RGS7: variants seen among roughly 807,000 people sequenced by gnomAD.
RGS7 encodes the protein regulator of G protein signaling 7.
Under a neutral mutation model 81.1 loss-of-function variants are expected in RGS7, and 27 were observed. The ratio of observed to expected loss-of-function variants is 0.33; its 90% CI spans 0.25 to 0.46. The LOEUF is 0.46. RGS7 is among the 20% of genes least tolerant of loss of function. The pLI, the probability that RGS7 is intolerant of heterozygous loss-of-function variation, is 1.00. For synonymous variants in RGS7, 208 were observed against 207.7 expected, an observed-to-expected ratio of 1.00 and a Z score of -0.01; for missense variants, 396 against 607.4, an observed-to-expected ratio of 0.65 and a Z score of 3.66.
Position 240,877,313 on chromosome 1 carries a change from AATAT to A in RGS7, c.386-7198_386-7195del, listed in dbSNP as rs1244806966. Among the ~76,000 whole-genome samples the A allele has an allele frequency of 1.5e-4, 23 of 149,484 alleles. No individual in the cohort carries two copies. The South Asian group carries it at 4.6e-3, about 30-fold the overall frequency. On this transcript the variant is annotated intron_variant, in intron 6 of 18. Coordinates refer to ENST00000440928, the MANE Select transcript of RGS7 (RefSeq NM_001364886.1). ...TTTATATATGTAAAGTATTTATATA[AATAT>A]ATAAAGTAAAATATATACAGAAAAA...
chr1:241,286,655 A>T lies in RGS7; in HGVS notation c.78+69044T>A, dbSNP rs564472825. 2.0e-5 allele frequency among the ~76,000 whole-genome samples: 3 copies of T among 152,174 alleles called. No homozygotes were observed. In the East Asian group the frequency reaches 5.8e-4, roughly 29 times the overall value. ...TCCTTCTCCTTTCCATTTGGCCCAA[A>T]CTAGGGTTTTTCTCTCAGGTCTTTT... On this transcript the variant is annotated intron_variant, in intron 2 of 18. Transcript: ENST00000440928.
chr1:240,868,867 C>G lies in RGS7; in HGVS notation c.451-15G>C. The G allele has an allele frequency of 6.2e-7, 1 of 1,613,016 alleles. No homozygotes were observed. The highest frequency in any genetic ancestry group is 8.5e-7 in the Non-Finnish European group (1 of 1,179,170). ...GCCAGGCTCTCCTGAAAAACATACC[C>G]CAGGTGAAGACATTTGGTGTTCATT... On this transcript the variant is annotated splice_polypyrimidine_tract_variant and intron_variant, in intron 7 of 18. Coordinates refer to ENST00000440928, the MANE Select transcript of RGS7 (RefSeq NM_001364886.1). This position sits in a 1 kb window ranked among gnomAD's most constrained non-coding sequence, Gnocchi z 5.1.
At chr1:240,887,510 G>T (rs1295644597) in intron 6 of RGS7, among the ~76,000 whole-genome samples, 6 of 152,160 alleles carry the variant, frequency 3.9e-5, no homozygotes, top group Non-Finnish European at 7.3e-5. Context: ...TTACAGGCGT[G>T]AGAGTATATA....
At chr1:241,046,101 T>C (rs899693303) in intron 3 of RGS7, among the ~76,000 whole-genome samples, 2 of 152,174 alleles carry the variant, frequency 1.3e-5, no homozygotes, top group Non-Finnish European at 2.9e-5. Context: ...TTGTTTTTCA[T>C]ATTTCCTACC....
intron 2 of RGS7, among the ~76,000 whole-genome samples, chr1:241,318,445 A>G (rs1056172999): frequency 6.6e-6 from 1 of 151,482 alleles, no homozygotes; most frequent in African/African-American, 2.4e-5. Context: ...ATCCTGAGAA[A>G]TTTCTTTCTT....
intron 2 of RGS7, among the ~76,000 whole-genome samples, chr1:241,266,567 C>A (rs1302028948): frequency 6.6e-6 from 1 of 152,204 alleles, no homozygotes. Flanking sequence ...CTATAGAACA[C>A]ATTCACTGCT....
At chr1:240,812,484 G>A (rs1035942116) in intron 13 of RGS7, among the ~76,000 whole-genome samples, 1 of 147,318 alleles carries the variant, frequency 6.8e-6, no homozygotes, top group African/African-American at 2.5e-5. Flanking sequence ...ACCCAGGTTG[G>A]AGTGCAATGG....
chr1:241,307,782 TTGAATGAATGAC>T lies in RGS7; in HGVS notation c.78+47905_78+47916del, dbSNP rs376982266. 8.4e-3 allele frequency among the ~76,000 whole-genome samples: 1,282 copies of T among 152,214 alleles called. 17 individuals carry two copies. The highest frequency in any genetic ancestry group is 0.03 in the African/African-American group (1,235 of 41,508). On this transcript the variant is annotated intron_variant, in intron 2 of 18. Transcript: ENST00000440928. ...CACAACAGATGCTAAGTCAATACTT[TTGAATGAATGAC>T]TGAATGAATGAATGAATGAATGAGA...
chr1:241,069,070 C>T (rs975240777), intron 3 of RGS7, among the ~76,000 whole-genome samples: 1 of 152,172 alleles, frequency 6.6e-6, no homozygotes, highest in African/African-American at 2.4e-5. Flanking sequence ...TGCCTCCATG[C>T]TTCCTCTACA....
intron 3 of RGS7, among the ~76,000 whole-genome samples, chr1:241,023,753 T>C (rs764328530): frequency 2.4e-4 from 36 of 152,322 alleles, no homozygotes; most frequent in Admixed American, 9.8e-4. Flanking sequence ...GATTGATTGA[T>C]TGATTGATCA....
At chr1:241,295,613 G>T (rs1487598041) in intron 2 of RGS7, among the ~76,000 whole-genome samples, 1 of 152,208 alleles carries the variant, frequency 6.6e-6, no homozygotes, top group Non-Finnish European at 1.5e-5. Flanking sequence ...TGGGATGTGT[G>T]AGAGCAAAGA....
intron 3 of RGS7, among the ~76,000 whole-genome samples, chr1:241,040,427 G>A (rs996637067): frequency 1.3e-5 from 2 of 152,106 alleles, no homozygotes; most frequent in Non-Finnish European, 2.9e-5. Flanking sequence ...CAAGGAGCTT[G>A]ACATGTGTAG....
chr1:241,246,968 A>G (rs2076578997), intron 2 of RGS7, among the ~76,000 whole-genome samples: 1 of 152,020 alleles, frequency 6.6e-6, no homozygotes, highest in Non-Finnish European at 1.5e-5. Context: ...AACAGTTACC[A>G]TCTCCTAGAA....
chr1:240,774,843 A>G (rs1422257067), downstream of RGS7, among the ~76,000 whole-genome samples: 1 of 152,046 alleles, frequency 6.6e-6, no homozygotes, highest in Non-Finnish European at 1.5e-5. Context: ...AACAATAAAA[A>G]TAATAATGCA....
At chr1:241,292,806 A>G (rs1311502815) in intron 2 of RGS7, among the ~76,000 whole-genome samples, 1 of 152,224 alleles carries the variant, frequency 6.6e-6, no homozygotes, top group Non-Finnish European at 1.5e-5. Flanking sequence ...GGAAACCATG[A>G]GTCTTAAAAA....
At position 240,972,602 on chromosome 1, in the gene RGS7, C is replaced by T. The variant is rs538401991; in HGVS notation, c.226+10477G>A. On this transcript the variant is annotated intron_variant, in intron 4 of 18. Coordinates refer to ENST00000440928, the MANE Select transcript of RGS7 (RefSeq NM_001364886.1). The stretch of plus-strand genomic sequence containing the variant: ...GGGAGATATACCTAATGCTAGATGA[C>T]GCATTAGTGGGTGCAGCGCACCAGC... 1.2e-4 allele frequency among the ~76,000 whole-genome samples: 17 copies of T among 138,356 alleles called. No homozygotes were observed. The East Asian group carries it at 3.0e-3, about 24-fold the overall frequency. 90.8% of individuals were successfully genotyped at this position (138,356 alleles called of 152,430 possible).
At chr1:240,908,253 C>T (rs369381563) in intron 6 of RGS7, among the ~76,000 whole-genome samples, 12 of 151,288 alleles carry the variant, frequency 7.9e-5, no homozygotes, top group African/African-American at 2.9e-4. Flanking sequence ...ATGTAAACGA[C>T]GAGTTAATGG....
At chr1:241,097,433 G>A (rs2502432) in intron 3 of RGS7, among the ~76,000 whole-genome samples, 38,125 of 151,922 alleles carry the variant, frequency 0.25, 5,260 homozygotes, top group African/African-American at 0.37. Flanking sequence ...AGCAACACAG[G>A]TATCAAACCC....
intron 2 of RGS7, among the ~76,000 whole-genome samples, chr1:241,222,338 C>T (rs570129173): frequency 1.3e-5 from 2 of 152,258 alleles, no homozygotes; most frequent in South Asian, 2.1e-4. Flanking sequence ...GTCTTTACCC[C>T]GAAATTACGA....
Sources: gnomAD v4.1 joint callset for allele counts (sites outside exome capture counted in the v4.1 genomes callset) on GRCh38, gnomAD v4.1.1 for gene constraint, Gnocchi (gnomAD v3.1) non-coding constraint, MANE v1.5 for transcripts, NCBI Gene and HGNC (gene_info 2026-07-23, HGNC 2026-07-21) for gene names.